The following ACKR3 variants were observed in gnomAD, a reference collection of about 807,000 sequenced individuals.
The protein encoded by ACKR3 is C-X-C chemokine receptor type 7.
ACKR3 carries 6 observed loss-of-function variants against 22.4 expected under a neutral mutation model. That is an observed-to-expected ratio of 0.27 (90% CI 0.15 to 0.53). The LOEUF (loss-of-function observed/expected upper bound fraction) is 0.53, where lower values mean the gene tolerates loss of function less well. Among genes scored for constraint, ACKR3 ranks in the 20% least tolerant of loss-of-function variants. The probability of loss-of-function intolerance (pLI) is 0.96; values close to 1 mark genes in which losing one functional copy is unlikely to be tolerated. For missense variants in ACKR3, 396 were observed against 475.2 expected (o/e 0.83, Z 1.55); for synonymous variants, 209 against 205.2 (o/e 1.02, Z -0.16).
At chr2:236,543,347 T>C in the ACKR3 span, among the ~76,000 whole-genome samples, 95 of 152,230 alleles carry the variant, frequency 6.2e-4, 1 homozygote, top group Middle Eastern at 3.4e-3. Context: ...AGTGGAATCA[T>C]TTTGCTCAGC....
the ACKR3 span, among the ~76,000 whole-genome samples, chr2:236,537,830 T>C: frequency 6.6e-6 from 1 of 152,204 alleles, no homozygotes; most frequent in Non-Finnish European, 1.5e-5. Context: ...TCCAAAAGGG[T>C]TAATGTTCTT....
At chr2:236,569,353 T>G (rs114117629), upstream of ACKR3, among the ~76,000 whole-genome samples, 1,242 of 152,358 alleles carry the variant, frequency 8.2e-3, 16 homozygotes, top group African/African-American at 0.027. Context: ...TTGGAGGAAT[T>G]AACAAGGAAA....
the ACKR3 span, among the ~76,000 whole-genome samples, chr2:236,554,554 G>A: frequency 1.5e-3 from 226 of 152,272 alleles, 1 homozygote; most frequent in South Asian, 8.3e-3. Context: ...TGAGGTTTAG[G>A]TTTTGGAGAG....
the ACKR3 span, among the ~76,000 whole-genome samples, chr2:236,552,283 G>A: frequency 6.6e-6 from 1 of 152,188 alleles, no homozygotes; most frequent in Non-Finnish European, 1.5e-5. Context: ...GGATGTGAGG[G>A]CGTCGGAGGG....
chr2:236,566,937 G>A (rs1427124931), upstream of ACKR3, among the ~76,000 whole-genome samples: 1 of 133,860 alleles, frequency 7.5e-6, no homozygotes, highest in African/African-American at 3.3e-5. Flanking sequence ...GGATTTGCCT[G>A]CCTGCCTGCC....
At chr2:236,579,808 G>A (rs985146446) in intron 1 of ACKR3, among the ~76,000 whole-genome samples, 3 of 152,356 alleles carry the variant, frequency 2.0e-5, no homozygotes, top group Middle Eastern at 3.4e-3. Context: ...GGCACCCTGC[G>A]TAGGCTCACT....
chr2:236,556,936 C>T, the ACKR3 span, among the ~76,000 whole-genome samples: 4 of 152,324 alleles, frequency 2.6e-5, no homozygotes, highest in Middle Eastern at 0.01. Flanking sequence ...GATCCCCCCA[C>T]CTCAGCTTCC....
the ACKR3 span, among the ~76,000 whole-genome samples, chr2:236,558,835 C>A: frequency 2.6e-5 from 4 of 151,734 alleles, no homozygotes; most frequent in Admixed American, 2.6e-4. Context: ...TAAGTGGAAA[C>A]GAAAAAAATA....
upstream of ACKR3, among the ~76,000 whole-genome samples, chr2:236,568,234 T>C (rs1203233072): frequency 6.6e-6 from 1 of 152,198 alleles, no homozygotes; most frequent in Non-Finnish European, 1.5e-5. Context: ...GCGCGTTCTC[T>C]GAAGGACAGG....
upstream of ACKR3, among the ~76,000 whole-genome samples, chr2:236,565,711 C>T (rs1574969565): frequency 6.6e-6 from 1 of 152,086 alleles, no homozygotes; most frequent in Admixed American, 6.5e-5. Flanking sequence ...CAGCTGGGAC[C>T]CTAAGAGGAG....
Sources: gnomAD v4.1 joint callset for allele counts (sites outside exome capture counted in the v4.1 genomes callset) on GRCh38, gnomAD v4.1.1 for gene constraint, MANE v1.5 for transcripts, NCBI Gene and HGNC (gene_info 2026-07-23, HGNC 2026-07-21) for gene names.